The following LPA variants were observed in gnomAD, a reference collection of about 807,000 sequenced individuals.
LPA encodes lipoprotein(a), also known as apolipoprotein(a).
In LPA, 199 loss-of-function variants were observed where a neutral mutation model predicts 197.9. That is an observed-to-expected ratio of 1.01 (90% confidence interval 0.90 to 1.13). LPA has a LOEUF of 1.13. Among genes scored for constraint, LPA ranks in the 50% most tolerant of loss-of-function variants. LPA has a pLI of 0.00. For missense variants in LPA, 1,853 were observed against 1,785.8 expected, an observed-to-expected ratio of 1.04 and a Z score of -0.68; for synonymous variants, 715 against 639.5, an observed-to-expected ratio of 1.12 and a Z score of -1.78.
intron 31 of LPA, among the ~76,000 whole-genome samples, chr6:160,548,249 G>A (rs987091698): frequency 2.0e-5 from 3 of 152,110 alleles, no homozygotes; most frequent in African/African-American, 7.2e-5. Context: ...GAGGTTTTGC[G>A]CCAGTCCTAA....
In LPA at chr6:160,650,361, C is replaced by T; in HGVS notation, c.186G>A (p.Arg62=). The change falls in exon 2 of 39, where the codon AGG becomes AGA. Residue 62 remains arginine (R), a synonymous_variant. Coordinates refer to ENST00000316300, the MANE Select transcript of LPA (RefSeq NM_005577.4). The stretch of plus-strand genomic sequence containing the variant: ...ACGCATTTGGGTAGTTTTCTGTGGT[C>T]CTATTATGTTGATGTGGTGTCATAG... ...WSSMTPHQHN[R]TTENYPNAGL... The T allele has an allele frequency of 6.2e-7, 1 of 1,613,690 alleles. No individual in the cohort carries two copies. Among genetic ancestry groups the T allele is most frequent in the South Asian group, 1.1e-5 (1 of 91,074 alleles).
chr6:160,654,869 C>T (rs1168003560), intron 1 of LPA, among the ~76,000 whole-genome samples: 1 of 152,166 alleles, frequency 6.6e-6, no homozygotes, highest in East Asian at 1.9e-4. Flanking sequence ...GCCTGCATAT[C>T]GTGCAGAACC....
At chr6:160,655,481 C>T (rs1028050729) in intron 1 of LPA, among the ~76,000 whole-genome samples, 1 of 152,170 alleles carries the variant, frequency 6.6e-6, no homozygotes, top group African/African-American at 2.4e-5. Context: ...AATCTGGCAG[C>T]CTTTCAGGTC....
intron 27 of LPA, among the ~76,000 whole-genome samples, chr6:160,578,275 G>A (rs1778722336): frequency 6.6e-6 from 1 of 152,096 alleles, no homozygotes; most frequent in African/African-American, 2.4e-5. Context: ...AACCAGGGGA[G>A]TGGTAAGTCC....
chr6:160,606,407 T>G, intron 17 of LPA, 70 bp downstream of exon 17: 5 of 1,571,794 alleles, frequency 3.2e-6, no homozygotes, highest in Non-Finnish European at 4.4e-6. Context: ...GGCTGCTGCA[T>G]CAGTGGGAAT....
chr6:160,564,517 C>A (rs984192665), intron 28 of LPA, among the ~76,000 whole-genome samples: 3 of 152,026 alleles, frequency 2.0e-5, no homozygotes, highest in Non-Finnish European at 2.9e-5. Flanking sequence ...ACCTTGTGAT[C>A]GTGAGAGAGG....
At chr6:160,590,757 C>T (rs41272068) in intron 23 of LPA, among the ~76,000 whole-genome samples, 187 bp downstream of exon 23, 1 of 152,128 alleles carries the variant, frequency 6.6e-6, no homozygotes, top group African/African-American at 2.4e-5. Context: ...ACCACCCTGT[C>T]ACGGGGTGCC....
At chr6:160,658,786 T>C (rs1780172199) in intron 1 of LPA, among the ~76,000 whole-genome samples, 1 of 152,066 alleles carries the variant, frequency 6.6e-6, no homozygotes, top group African/African-American at 2.4e-5. Context: ...AAGAATTCCA[T>C]CCTTAATATT....
intron 29 of LPA, among the ~76,000 whole-genome samples, chr6:160,557,026 G>A (rs1289578499): frequency 2.0e-5 from 3 of 152,140 alleles, no homozygotes; most frequent in African/African-American, 4.8e-5. Flanking sequence ...CAACTGCAAT[G>A]CTGAAGATTG....
intron 25 of LPA, among the ~76,000 whole-genome samples, 161 bp downstream of exon 25, chr6:160,586,288 G>T (rs1055024039): frequency 6.6e-6 from 1 of 152,110 alleles, no homozygotes. Context: ...TCCCAGCTCT[G>T]GTCCCCCCAG....
At position 160,579,354 on chromosome 6, in the gene LPA, C is replaced by G. The variant is rs555261944; in HGVS notation, c.4290-650G>C. 7.9e-5 allele frequency among the ~76,000 whole-genome samples: 12 copies of G among 152,284 alleles called. No individual in the cohort carries two copies. The South Asian group carries it at 2.1e-3, about 26-fold the overall frequency. On this transcript the variant is annotated intron_variant, in intron 26 of 38. Transcript: ENST00000316300. Reference sequence around the variant, plus strand: ...GACTTATAAAAGCTTCCCTGGAAAACTAGCTCCCAGGCAGGATGCTGCTTC... The same window carrying G: ...GACTTATAAAAGCTTCCCTGGAAAAGTAGCTCCCAGGCAGGATGCTGCTTC...
intron 2 of LPA, among the ~76,000 whole-genome samples, chr6:160,646,706 G>A (rs1779886604): frequency 1.5e-5 from 2 of 137,316 alleles, no homozygotes; most frequent in African/African-American, 5.7e-5. Flanking sequence ...TCTGCCTTCT[G>A]CCCAATCCAT....
At chr6:160,653,739 A>G (rs1780046721) in intron 1 of LPA, among the ~76,000 whole-genome samples, 1 of 149,900 alleles carries the variant, frequency 6.7e-6, no homozygotes, top group Non-Finnish European at 1.5e-5. Flanking sequence ...CTTGATGAAC[A>G]CAGATGCAAA....
chr6:160,601,635 A>G (rs1188197144), intron 18 of LPA, among the ~76,000 whole-genome samples: 1 of 152,256 alleles, frequency 6.6e-6, no homozygotes, highest in Non-Finnish European at 1.5e-5. Flanking sequence ...AAATGTAGCC[A>G]AAAGGCTCTA....
chr6:160,649,109 T>C (rs1378682310), intron 2 of LPA, among the ~76,000 whole-genome samples: 6 of 152,178 alleles, frequency 3.9e-5, no homozygotes, highest in Non-Finnish European at 5.9e-5. Context: ...TCCTTTTCAG[T>C]TTTGCTATTG....
At chr6:160,600,837 AAG>A in intron 19 of LPA, 78 bp downstream of exon 19, 4 of 1,477,510 alleles carry the variant, frequency 2.7e-6, no homozygotes, top group Non-Finnish European at 3.8e-6. Flanking sequence ...TGTAGCACTG[AAG>A]GGTTGTGCGT....
chr6:160,541,248 G>A, intron 34 of LPA, 67 bp from the exon 35 acceptor site: 3 of 1,153,826 alleles, frequency 2.6e-6, no homozygotes, highest in Middle Eastern at 1.9e-4. Flanking sequence ...TGTACAGAAA[G>A]CCAGGAAGAC....
intron 1 of LPA, among the ~76,000 whole-genome samples, chr6:160,661,316 G>C (rs1269434122): frequency 1.3e-5 from 2 of 149,148 alleles, no homozygotes; most frequent in Non-Finnish European, 3.0e-5. Flanking sequence ...TAGAAGAGCA[G>C]TGGGGGTGGC....
chr6:160,606,402 C>T, intron 17 of LPA, 75 bp downstream of exon 17: 2 of 1,563,640 alleles, frequency 1.3e-6, no homozygotes, highest in Non-Finnish European at 1.8e-6. Flanking sequence ...TTGGAGGCTG[C>T]TGCATCAGTG....
Sources: allele counts gnomAD v4.1 joint callset (sites outside exome capture counted in the v4.1 genomes callset), GRCh38; gene constraint gnomAD v4.1.1; transcripts MANE v1.5; gene names NCBI Gene and HGNC (gene_info 2026-07-23, HGNC 2026-07-21).